Variants in ANGPT4 observed in about 807,000 individuals in gnomAD.
ANGPT4 encodes the protein angiopoietin 4.
ANGPT4 carries 50 observed loss-of-function variants against 53.0 expected under a neutral mutation model. That is an observed-to-expected ratio of 0.94 (90% CI 0.75 to 1.20). ANGPT4 has a LOEUF of 1.20. Ranked by LOEUF, ANGPT4 falls within the 50% of genes most tolerant of loss-of-function variation. The probability of loss-of-function intolerance (pLI) is 0.00; values close to 1 mark genes in which losing one functional copy is unlikely to be tolerated. For synonymous variants in ANGPT4, 251 were observed against 259.7 expected, an observed-to-expected ratio of 0.97 and a Z score of 0.32; for missense variants, 648 against 637.1, an observed-to-expected ratio of 1.02 and a Z score of -0.18.
chr20:885,047 A>G, intron 4 of ANGPT4, 31 bp downstream of exon 4: 1 of 1,612,430 alleles, frequency 6.2e-7, no homozygotes, highest in African/African-American at 1.3e-5. Flanking sequence ...GCCCGTCTTT[A>G]GCCACACTGG....
chr20:884,534 G>C (rs1444436432), intron 4 of ANGPT4, among the ~76,000 whole-genome samples: 1 of 152,230 alleles, frequency 6.6e-6, no homozygotes, highest in Non-Finnish European at 1.5e-5. Context: ...GAGTCAGTGA[G>C]AGCCTGGGAG....
At position 911,031 on chromosome 20, in the gene ANGPT4, G is replaced by A. The variant is rs766201672; in HGVS notation, c.309+4875C>T. ...ACCCCAAGATATTTTGTTCGGCACC[G>A]AGACTCATTTCTTGTTTGGATAACT... On this transcript the variant is annotated intron_variant, in intron 1 of 8. Coordinates refer to ENST00000381922, the MANE Select transcript of ANGPT4 (RefSeq NM_015985.4). The surrounding 1 kb of genome is among the most constrained non-coding windows in gnomAD (Gnocchi z 4.9). Among the ~76,000 whole-genome samples, 2 of 152,188 alleles carry A rather than the reference G, an allele frequency of 1.3e-5. No homozygotes were observed. Among genetic ancestry groups the A allele is most frequent in the South Asian group, 2.1e-4 (1 of 4,820 alleles).
intron 1 of ANGPT4, among the ~76,000 whole-genome samples, chr20:913,165 G>A (rs1982771969): frequency 6.6e-6 from 1 of 152,162 alleles, no homozygotes; most frequent in East Asian, 1.9e-4. Flanking sequence ...GGTGCCATTA[G>A]ATGAGTATTT....
Position 914,205 on chromosome 20 carries a change from G to A in ANGPT4, c.309+1701C>T, listed in dbSNP as rs983963694. The stretch of plus-strand genomic sequence containing the variant: ...AAAGAGACATGGCGCCTGCCCTCTG[G>A]GAGCTCACACACCAAAAGAAATGTT... On this transcript the variant is annotated intron_variant, in intron 1 of 8. Transcript: ENST00000381922. This position sits in a 1 kb window ranked among gnomAD's most constrained non-coding sequence, Gnocchi z 5.0. Among the ~76,000 whole-genome samples, 2 of 152,100 alleles carry A rather than the reference G, an allele frequency of 1.3e-5. No homozygotes were observed. The highest frequency in any genetic ancestry group is 1.3e-4 in the Admixed American group (2 of 15,284).
At chr20:888,296 T>C (rs866274160) in intron 3 of ANGPT4, 22 bp downstream of exon 3, 2 of 1,608,592 alleles carry the variant, frequency 1.2e-6, no homozygotes, top group Non-Finnish European at 1.7e-6. Flanking sequence ...TGTCCTAGTC[T>C]GGTGCCAGGT....
At chr20:897,175 A>G (rs1982089690) in intron 1 of ANGPT4, among the ~76,000 whole-genome samples, 1 of 152,184 alleles carries the variant, frequency 6.6e-6, no homozygotes, top group Admixed American at 6.5e-5. Context: ...CCAGGTGATT[A>G]AAAAGCTTTA....
chr20:905,715 A>G (rs1982452198), intron 1 of ANGPT4, among the ~76,000 whole-genome samples: 1 of 152,202 alleles, frequency 6.6e-6, no homozygotes, highest in South Asian at 2.1e-4. Context: ...CCTTCCTCCA[A>G]CCAACTCATT....
chr20:885,049 C>G, intron 4 of ANGPT4, 29 bp downstream of exon 4: 2 of 1,612,560 alleles, frequency 1.2e-6, no homozygotes, highest in African/African-American at 2.7e-5. Flanking sequence ...CCGTCTTTAG[C>G]CACACTGGGG....
chr20:912,962 C>T (rs1025668314), intron 1 of ANGPT4, among the ~76,000 whole-genome samples: 1 of 152,124 alleles, frequency 6.6e-6, no homozygotes, highest in African/African-American at 2.4e-5. Flanking sequence ...AGTCACTTTC[C>T]CTCTCTGGCC....
intron 1 of ANGPT4, among the ~76,000 whole-genome samples, chr20:913,851 G>C (rs995798530): frequency 6.6e-6 from 1 of 152,242 alleles, no homozygotes; most frequent in Non-Finnish European, 1.5e-5. Context: ...GGCACAGCCT[G>C]TGGCTGGGTG....
In ANGPT4 at chr20:885,061, G is replaced by T; in HGVS notation, c.835+17C>A. Reference sequence around the variant, plus strand: ...TGCCCGTCTTTAGCCACACTGGGGCGCACACCGCTCACTCACCCGGGGCCG... The same window carrying T: ...TGCCCGTCTTTAGCCACACTGGGGCTCACACCGCTCACTCACCCGGGGCCG... On this transcript the variant is annotated intron_variant, in intron 4 of 8. Transcript: ENST00000381922. 2 of 1,613,252 alleles carry T rather than the reference G, an allele frequency of 1.2e-6. No individual in the cohort carries two copies. The highest frequency in any genetic ancestry group is 8.5e-7 in the Non-Finnish European group (1 of 1,179,846).
intron 1 of ANGPT4, among the ~76,000 whole-genome samples, chr20:912,664 G>A (rs1261124367): frequency 1.3e-5 from 2 of 152,116 alleles, no homozygotes; most frequent in African/African-American, 4.8e-5. Context: ...GGGAAGGGGA[G>A]TGCAGGGGAG....
chr20:897,967 C>G (rs546547886), intron 1 of ANGPT4, among the ~76,000 whole-genome samples: 190 of 152,300 alleles, frequency 1.2e-3, no homozygotes, highest in Middle Eastern at 6.8e-3. Context: ...CTTACAAGAC[C>G]TGGATGATTT....
chr20:880,600 G>A (rs1183331561), intron 5 of ANGPT4, among the ~76,000 whole-genome samples: 3 of 151,926 alleles, frequency 2.0e-5, no homozygotes, highest in Non-Finnish European at 2.9e-5. Context: ...AAAAAAAAAG[G>A]GAATTATGAA....
At chr20:879,568 T>A (rs1981308874) in intron 6 of ANGPT4, among the ~76,000 whole-genome samples, 179 bp downstream of exon 6, 1 of 152,200 alleles carries the variant, frequency 6.6e-6, no homozygotes, top group African/African-American at 2.4e-5. Context: ...GTCAGAACTT[T>A]CAGAAAGAAC....
chr20:909,768 G>A (rs1299925427), intron 1 of ANGPT4, among the ~76,000 whole-genome samples: 4 of 152,220 alleles, frequency 2.6e-5, no homozygotes, highest in African/African-American at 4.8e-5. Flanking sequence ...GAGTCAACTG[G>A]GACTCAGGGC....
At chr20:902,726 G>A (rs554115043) in intron 1 of ANGPT4, among the ~76,000 whole-genome samples, 1 of 151,796 alleles carries the variant, frequency 6.6e-6, no homozygotes, top group South Asian at 2.1e-4. Context: ...TTTTTTTTCT[G>A]AGAGAGGGTC....
chr20:891,651 G>A (rs1981852190), intron 1 of ANGPT4, among the ~76,000 whole-genome samples: 1 of 152,184 alleles, frequency 6.6e-6, no homozygotes, highest in Non-Finnish European at 1.5e-5. Context: ...GGGAAGATGG[G>A]TGCTCCCCAG....
chr20:878,113 A>G, intron 7 of ANGPT4, 48 bp downstream of exon 7: 2 of 1,549,630 alleles, frequency 1.3e-6, no homozygotes, highest in African/African-American at 1.4e-5. Flanking sequence ...CAGCCCGCCC[A>G]CTAGCTGAAG....
Sources: allele counts gnomAD v4.1 joint callset (sites outside exome capture counted in the v4.1 genomes callset), GRCh38; gene constraint gnomAD v4.1.1; non-coding constraint Gnocchi (gnomAD v3.1); transcripts MANE v1.5; gene names NCBI Gene and HGNC (gene_info 2026-07-23, HGNC 2026-07-21).